Variants in TAS2R1 observed in about 807,000 individuals in gnomAD.
TAS2R1 encodes the protein taste 2 receptor member 1.
For missense variants in TAS2R1, 370 were observed against 353.4 expected, an observed-to-expected ratio of 1.05 and a Z score of -0.38; for synonymous variants, 141 against 134.2, an observed-to-expected ratio of 1.05 and a Z score of -0.35.
the TAS2R1 span, among the ~76,000 whole-genome samples, chr5:9,758,236 C>T: frequency 3.9e-5 from 6 of 152,018 alleles, no homozygotes; most frequent in Non-Finnish European, 5.9e-5. Flanking sequence ...ACTGAAGAAC[C>T]ATAACAACCT....
At chr5:9,827,496 A>G in the TAS2R1 span, among the ~76,000 whole-genome samples, 6 of 152,172 alleles carry the variant, frequency 3.9e-5, no homozygotes, top group African/African-American at 9.6e-5. Flanking sequence ...GCACTTTTGG[A>G]GGCCAAGGCA....
chr5:9,750,557 A>T, the TAS2R1 span, among the ~76,000 whole-genome samples: 4 of 152,180 alleles, frequency 2.6e-5, no homozygotes, highest in African/African-American at 4.8e-5. Context: ...ATTGGCGAAA[A>T]CTAGAAGTCT....
intron 2 of TAS2R1, among the ~76,000 whole-genome samples, chr5:9,655,970 CA>C (rs969712345): frequency 2.6e-5 from 4 of 151,854 alleles, no homozygotes; most frequent in Admixed American, 1.3e-4. Context: ...CACCACTTCT[CA>C]GGTAGCTTCC....
At chr5:9,746,007 C>A in the TAS2R1 span, among the ~76,000 whole-genome samples, 1 of 152,094 alleles carries the variant, frequency 6.6e-6, no homozygotes, top group Admixed American at 6.5e-5. Context: ...AAAATTTTTG[C>A]AATCTACCCA....
intron 1 of TAS2R1, among the ~76,000 whole-genome samples, chr5:9,697,527 G>A (rs1322448547): frequency 6.6e-6 from 1 of 152,090 alleles, no homozygotes; most frequent in Admixed American, 6.6e-5. Flanking sequence ...AAATACAGAT[G>A]TTGAACACAA....
At chr5:9,850,158 A>T in the TAS2R1 span, among the ~76,000 whole-genome samples, 1 of 152,012 alleles carries the variant, frequency 6.6e-6, no homozygotes, top group South Asian at 2.1e-4. Context: ...CCCCAGCTGA[A>T]CATCCTCTTC....
At chr5:9,786,605 A>T in the TAS2R1 span, among the ~76,000 whole-genome samples, 1 of 152,226 alleles carries the variant, frequency 6.6e-6, no homozygotes, top group Admixed American at 6.5e-5. Flanking sequence ...CAATGAATTG[A>T]TTTAATTAGT....
the TAS2R1 span, among the ~76,000 whole-genome samples, chr5:9,717,624 C>A: frequency 2.0e-5 from 3 of 151,752 alleles, no homozygotes; most frequent in Non-Finnish European, 2.9e-5. Context: ...ACAATTAAAA[C>A]AGAGTGGCAC....
At chr5:9,815,205 A>T in the TAS2R1 span, among the ~76,000 whole-genome samples, 4 of 152,224 alleles carry the variant, frequency 2.6e-5, no homozygotes, top group Non-Finnish European at 5.9e-5. Flanking sequence ...TTGGAGACAG[A>T]CCAGATTAAG....
chr5:9,766,885 G>A, the TAS2R1 span, among the ~76,000 whole-genome samples: 1 of 152,130 alleles, frequency 6.6e-6, no homozygotes, highest in East Asian at 1.9e-4. Context: ...TCCTCTCTTG[G>A]TTTCCTCCAC....
intron 2 of TAS2R1, among the ~76,000 whole-genome samples, chr5:9,659,243 C>A (rs372643106): frequency 6.6e-6 from 1 of 152,098 alleles, no homozygotes; most frequent in Non-Finnish European, 1.5e-5. Flanking sequence ...ATGAACTACT[C>A]CCCCATGGGA....
At chr5:9,895,084 C>G in the TAS2R1 span, among the ~76,000 whole-genome samples, 1 of 152,230 alleles carries the variant, frequency 6.6e-6, no homozygotes, top group African/African-American at 2.4e-5. Flanking sequence ...GCAGCAAGTT[C>G]AGCTCACTCT....
At chr5:9,887,010 T>C in the TAS2R1 span, among the ~76,000 whole-genome samples, 4 of 152,178 alleles carry the variant, frequency 2.6e-5, no homozygotes, top group South Asian at 2.1e-4. Flanking sequence ...GTACAACATA[T>C]ACCCATTTCT....
In TAS2R1 at chr5:9,629,542, G is replaced by A. The variant is rs551734295; in HGVS notation, c.491C>T (p.Ala164Val). Residue 164 changes from alanine (A) to valine (V), a missense_variant, in exon 1 of 1, where the codon GCC (alanine) becomes GTC (valine). Ala to Val is a moderately conservative substitution (Grantham distance 64, BLOSUM62 0). Coordinates refer to ENST00000382492, the MANE Select transcript of TAS2R1 (RefSeq NM_019599.3). ...CAGTGTATCTTCTTTTTGAATTGTGGCATTTTGGGAGAAAAATTTCCTTAG... is the reference window on the plus strand; with the variant it reads ...CAGTGTATCTTCTTTTTGAATTGTGACATTTTGGGAGAAAAATTTCCTTAG... ...YFLRKFFSQN[A>V]TIQKEDTLAI... The A allele has an allele frequency of 6.2e-7, 1 of 1,613,854 alleles. No homozygotes were observed. The highest frequency in any genetic ancestry group is 8.5e-7 in the Non-Finnish European group (1 of 1,179,946).
At chr5:9,677,800 G>C (rs1472798667) in intron 1 of TAS2R1, among the ~76,000 whole-genome samples, 1 of 152,186 alleles carries the variant, frequency 6.6e-6, no homozygotes, top group Admixed American at 6.5e-5. Context: ...CTCATCATAT[G>C]ATCCAGTGAT....
the TAS2R1 span, among the ~76,000 whole-genome samples, chr5:9,742,368 TG>T: frequency 6.6e-6 from 1 of 152,166 alleles, no homozygotes; most frequent in Non-Finnish European, 1.5e-5. Context: ...CTAAGTTCCA[TG>T]CAGAACACAC....
rs967942538 is a variant in TAS2R1, at chr5:9,645,063, A to G, written c.-81+14358T>C. On this transcript the variant is annotated intron_variant, in intron 2 of 2. Transcript: ENST00000506620. Reference sequence around the variant, plus strand: ...GCTTTTCTTATTTCTATGCACCAGAACAAATTAAATAACATGGGAATTATC... The same window carrying G: ...GCTTTTCTTATTTCTATGCACCAGAGCAAATTAAATAACATGGGAATTATC... Among the ~76,000 whole-genome samples the G allele has an allele frequency of 3.7e-4, 56 of 152,178 alleles. 4 individuals carry two copies. The highest frequency in any genetic ancestry group is 1.5e-5 in the Non-Finnish European group (1 of 68,026).
chr5:9,674,452 G>C (rs1364427599), intron 1 of TAS2R1, among the ~76,000 whole-genome samples: 2 of 152,000 alleles, frequency 1.3e-5, no homozygotes, highest in Non-Finnish European at 2.9e-5. Context: ...TATATGGTTA[G>C]AACCTGGGGC....
chr5:9,744,379 A>G, the TAS2R1 span, among the ~76,000 whole-genome samples: 2 of 152,180 alleles, frequency 1.3e-5, no homozygotes. Context: ...ATTAGTTTTT[A>G]TGGAAAATAA....
Sources: gnomAD v4.1 joint callset for allele counts (sites outside exome capture counted in the v4.1 genomes callset) on GRCh38, gnomAD v4.1.1 for gene constraint, MANE v1.5 for transcripts, NCBI Gene and HGNC (gene_info 2026-07-23, HGNC 2026-07-21) for gene names.